The following TRPM6 variants were observed in gnomAD, a reference collection of about 807,000 sequenced individuals.
The protein encoded by TRPM6 is transient receptor potential cation channel subfamily M member 6, also known as channel kinase 2.
In TRPM6, 111 loss-of-function variants were observed where a neutral mutation model predicts 247.6. That is an observed-to-expected ratio of 0.45 (90% CI 0.38 to 0.52). TRPM6 has a LOEUF of 0.52. Ranked by LOEUF, TRPM6 falls within the 20% of genes least tolerant of loss-of-function variation. The pLI, the probability that TRPM6 is intolerant of heterozygous loss-of-function variation, is 0.00. For missense variants in TRPM6, 2,126 were observed against 2,421.5 expected, an observed-to-expected ratio of 0.88 and a Z score of 2.56; for synonymous variants, 892 against 853.8, an observed-to-expected ratio of 1.04 and a Z score of -0.78.
chr9:74,820,216 G>GC, intron 9 of TRPM6, 88 bp downstream of exon 9: 1 of 1,432,460 alleles, frequency 7.0e-7, no homozygotes, highest in Middle Eastern at 1.8e-4. Flanking sequence ...TGTCCACCAT[G>GC]TTTTTTTTTA....
intron 29 of TRPM6, 48 bp from the exon 30 acceptor site, chr9:74,750,770 C>A: frequency 6.4e-7 from 1 of 1,557,468 alleles, no homozygotes; most frequent in East Asian, 2.2e-5. Flanking sequence ...CATAGTCCCA[C>A]CCCAAGTTTC....
chr9:74,874,129 A>G (rs938815130), intron 1 of TRPM6, among the ~76,000 whole-genome samples: 2 of 152,076 alleles, frequency 1.3e-5, no homozygotes, highest in African/African-American at 4.8e-5. Context: ...CCAGCTACTC[A>G]GAAGGCAGAG....
intron 1 of TRPM6, among the ~76,000 whole-genome samples, chr9:74,883,488 A>G (rs1438835852): frequency 6.6e-6 from 1 of 152,178 alleles, no homozygotes; most frequent in Non-Finnish European, 1.5e-5. Context: ...TTCACTGTAT[A>G]TTCCCAGATT....
chr9:74,830,744 T>TA (rs1829513802), intron 6 of TRPM6, among the ~76,000 whole-genome samples: 1 of 94,652 alleles, frequency 1.1e-5, no homozygotes, highest in African/African-American at 4.2e-5. Flanking sequence ...GCCCAGCTAA[T>TA]TTTTGTTTTT....
At chr9:74,782,076 A>C (rs1587499128) in intron 23 of TRPM6, among the ~76,000 whole-genome samples, 1 of 152,188 alleles carries the variant, frequency 6.6e-6, no homozygotes, top group Admixed American at 6.5e-5. Flanking sequence ...GAAATACTAC[A>C]CCATTTTCTA....
intron 3 of TRPM6, 113 bp from the exon 4 acceptor site, chr9:74,842,456 CA>C: frequency 9.2e-7 from 1 of 1,092,048 alleles, no homozygotes; most frequent in East Asian, 2.5e-5. Flanking sequence ...TAAAACTTCA[CA>C]TTAAGGTTTA....
intron 1 of TRPM6, among the ~76,000 whole-genome samples, chr9:74,879,312 T>TTA (rs1312059565): frequency 1.3e-5 from 2 of 150,036 alleles, no homozygotes; most frequent in African/African-American, 4.9e-5. Flanking sequence ...TGTATATGAT[T>TTA]TATATATATA....
At chr9:74,752,457 T>A in intron 28 of TRPM6, 89 bp from the exon 29 acceptor site, 2 of 743,738 alleles carry the variant, frequency 2.7e-6, no homozygotes, top group Middle Eastern at 3.6e-4. Flanking sequence ...CTGAACACAG[T>A]ACATTCATTT....
chr9:74,814,628 A>T (rs1031209030), intron 11 of TRPM6, among the ~76,000 whole-genome samples: 6 of 152,226 alleles, frequency 3.9e-5, no homozygotes, highest in African/African-American at 1.4e-4. Context: ...TAATAGATTC[A>T]TAGTATGCTA....
chr9:74,803,922 G>C (rs1225547902), intron 14 of TRPM6, 36 bp from the exon 15 acceptor site: 1 of 1,239,460 alleles, frequency 8.1e-7, no homozygotes, highest in African/African-American at 1.5e-5. Flanking sequence ...GTCACTCTCT[G>C]GCACGTTATT....
In TRPM6 at chr9:74,840,357, A is replaced by G. The variant is rs939454662; in HGVS notation, c.331-120T>C. 6 of 711,254 alleles carry G rather than the reference A, an allele frequency of 8.4e-6. No individual in the cohort carries two copies. In the African/African-American group the frequency reaches 1.1e-4, roughly 13 times the overall value. The allele number at this position is 711,254 out of a possible 1,614,324, so 44.1% of individuals were successfully genotyped here. ...CAAAATCTAAAAGGAAGTATGTGGG[A>G]TCTCTTTAAAGTTCATCTTCATGTA... On this transcript the variant is annotated intron_variant, in intron 4 of 38. Transcript: ENST00000360774.
At chr9:74,764,740 T>C (rs951569822) in intron 25 of TRPM6, among the ~76,000 whole-genome samples, 7 of 152,088 alleles carry the variant, frequency 4.6e-5, no homozygotes, top group Non-Finnish European at 5.9e-5. Flanking sequence ...TACGCAAAAA[T>C]AGAATACAAA....
chr9:74,775,450 A>G (rs1193936172), intron 24 of TRPM6, among the ~76,000 whole-genome samples: 1 of 152,200 alleles, frequency 6.6e-6, no homozygotes, highest in Non-Finnish European at 1.5e-5. Context: ...CTCTGGTTAA[A>G]GCCCAGCTTT....
chr9:74,818,882 G>A (rs1194329613), intron 9 of TRPM6, among the ~76,000 whole-genome samples: 2 of 151,658 alleles, frequency 1.3e-5, no homozygotes, highest in Admixed American at 6.6e-5. Flanking sequence ...TTGAGGCCAG[G>A]TACTCAAATA....
intron 20 of TRPM6, among the ~76,000 whole-genome samples, chr9:74,786,381 A>G (rs1462003821): frequency 6.6e-6 from 1 of 152,240 alleles, no homozygotes; most frequent in Non-Finnish European, 1.5e-5. Context: ...AAAAAAATAG[A>G]AAGCACTTTT....
intron 7 of TRPM6, among the ~76,000 whole-genome samples, chr9:74,825,887 C>T (rs530081898): frequency 4.9e-4 from 75 of 152,174 alleles, no homozygotes; most frequent in African/African-American, 1.8e-3. Flanking sequence ...TCTGACCTCT[C>T]TTCCTTCCCT....
intron 9 of TRPM6, among the ~76,000 whole-genome samples, chr9:74,817,623 G>A (rs1000276732): frequency 8.5e-5 from 13 of 152,060 alleles, no homozygotes; most frequent in African/African-American, 2.7e-4. Flanking sequence ...AAGTAAGTTC[G>A]TTACTTATGG....
intron 14 of TRPM6, among the ~76,000 whole-genome samples, chr9:74,806,021 A>C (rs1455373048): frequency 4.6e-5 from 7 of 152,318 alleles, no homozygotes; most frequent in African/African-American, 1.7e-4. Flanking sequence ...TTTATGTATG[A>C]TAATGGCATC....
intron 1 of TRPM6, among the ~76,000 whole-genome samples, chr9:74,885,891 G>A (rs1831514510): frequency 1.3e-5 from 2 of 151,988 alleles, no homozygotes; most frequent in Admixed American, 6.6e-5. Context: ...GCAACACAGC[G>A]AGACTCTGTC....
Sources: gnomAD v4.1 joint callset for allele counts (sites outside exome capture counted in the v4.1 genomes callset) on GRCh38, gnomAD v4.1.1 for gene constraint, MANE v1.5 for transcripts, NCBI Gene and HGNC (gene_info 2026-07-23, HGNC 2026-07-21) for gene names.